PCDHA10: variants seen among roughly 807,000 people sequenced by gnomAD.
PCDHA10 encodes the protein protocadherin alpha-10.
In PCDHA10, 45 loss-of-function variants were observed where a neutral mutation model predicts 61.2. The observed-to-expected ratio is 0.74, with a 90% CI of 0.58 to 0.94. The LOEUF (loss-of-function observed/expected upper bound fraction) is 0.94. Ranked by LOEUF, PCDHA10 falls within the 40% of genes least tolerant of loss-of-function variation. The pLI, the probability that PCDHA10 is intolerant of heterozygous loss-of-function variation, is 0.00. For synonymous variants in PCDHA10, 602 were observed against 548.8 expected (o/e 1.10, Z -1.35); for missense variants, 1,278 against 1,236.2 (o/e 1.03, Z -0.51).
intron 3 of PCDHA10, among the ~76,000 whole-genome samples, chr5:141,007,858 G>A (rs376865557): frequency 6.6e-6 from 1 of 152,116 alleles, no homozygotes; most frequent in African/African-American, 2.4e-5. Context: ...GTCCTTAAAG[G>A]TCTTTTCCTT....
intron 1 of PCDHA10, among the ~76,000 whole-genome samples, chr5:140,896,950 C>A (rs996950218): frequency 6.6e-6 from 1 of 152,106 alleles, no homozygotes; most frequent in Non-Finnish European, 1.5e-5. Context: ...TGGCCATTCC[C>A]TTAAACATTT....
chr5:140,914,262 G>A (rs1583899691), intron 1 of PCDHA10, among the ~76,000 whole-genome samples: 1 of 152,008 alleles, frequency 6.6e-6, no homozygotes, highest in Non-Finnish European at 1.5e-5. Flanking sequence ...CTTCAATGGT[G>A]GGTGCATATA....
intron 3 of PCDHA10, 123 bp downstream of exon 3, chr5:140,982,686 C>T: frequency 2.8e-6 from 4 of 1,418,870 alleles, no homozygotes; most frequent in Non-Finnish European, 3.7e-6. Context: ...TCCCTTTTTT[C>T]CATACATACA....
At chr5:140,870,425 C>A (rs531014522) in intron 1 of PCDHA10, 5 of 1,614,190 alleles carry the variant, frequency 3.1e-6, no homozygotes, top group Admixed American at 3.3e-5. Flanking sequence ...GCCAGGGTAT[C>A]CGTGGAGGTG....
At chr5:140,872,270 T>G (rs1246364406) in intron 1 of PCDHA10, among the ~76,000 whole-genome samples, 1 of 152,172 alleles carries the variant, frequency 6.6e-6, no homozygotes, top group African/African-American at 2.4e-5. Context: ...TCATATTGTT[T>G]GAAGAAAAAA....
At chr5:140,946,797 CAG>C (rs1279078142) in intron 1 of PCDHA10, among the ~76,000 whole-genome samples, 2 of 151,052 alleles carry the variant, frequency 1.3e-5, no homozygotes, top group Non-Finnish European at 3.0e-5. Context: ...CTTATAGAAG[CAG>C]AGAGTATAAC....
At chr5:140,881,988 C>A in intron 1 of PCDHA10, 1 of 434,968 alleles carries the variant, frequency 2.3e-6, no homozygotes, top group Non-Finnish European at 4.0e-6. Flanking sequence ...GTGAAAATGT[C>A]AGGAAATGCA....
At chr5:140,898,972 C>G (rs1180112967) in intron 1 of PCDHA10, among the ~76,000 whole-genome samples, 2 of 151,980 alleles carry the variant, frequency 1.3e-5, no homozygotes, top group African/African-American at 4.8e-5. Flanking sequence ...GGAGTTCACT[C>G]ATGATTTGGC....
intron 1 of PCDHA10, among the ~76,000 whole-genome samples, chr5:140,974,864 C>T (rs949061887): frequency 6.6e-6 from 1 of 152,124 alleles, no homozygotes; most frequent in Non-Finnish European, 1.5e-5. Flanking sequence ...TGCCTTAATG[C>T]GGAACAGTCT....
chr5:140,891,861 T>C (rs1346164388), intron 1 of PCDHA10, among the ~76,000 whole-genome samples: 1 of 152,174 alleles, frequency 6.6e-6, no homozygotes, highest in Non-Finnish European at 1.5e-5. Context: ...GTCCCTCTCT[T>C]ATGCTTTTGG....
At chr5:140,882,131 C>A (rs1236835670) in intron 1 of PCDHA10, 2 of 1,475,734 alleles carry the variant, frequency 1.4e-6, no homozygotes, top group South Asian at 1.4e-5. Context: ...TTTCTTCCTG[C>A]AGAAAATATA....
chr5:140,870,903 A>G lies in PCDHA10; in HGVS notation c.2388+12467A>G, dbSNP rs182770106. On this transcript the variant is annotated intron_variant, in intron 1 of 3. Transcript: ENST00000307360. ...AGGTGCGCGCAGTGGATGCGGACTC[A>G]GGCTACAACGCGTGGCTTTCATATG... The G allele has an allele frequency of 1.9e-6, 3 of 1,613,930 alleles. No individual in the cohort carries two copies. In the East Asian group the frequency reaches 6.7e-5, roughly 36 times the overall value.
At chr5:140,992,761 A>G (rs1400429465) in intron 3 of PCDHA10, among the ~76,000 whole-genome samples, 1 of 152,180 alleles carries the variant, frequency 6.6e-6, no homozygotes, top group African/African-American at 2.4e-5. Flanking sequence ...TGTTGGGGAT[A>G]GGAGGGTGGG....
chr5:140,873,592 T>A (rs936003894), intron 1 of PCDHA10, among the ~76,000 whole-genome samples: 3 of 152,234 alleles, frequency 2.0e-5, no homozygotes, highest in African/African-American at 7.2e-5. Flanking sequence ...TAAGCTAAAC[T>A]TAGATGTTCC....
chr5:140,977,890 A>C (rs1554238866), intron 1 of PCDHA10, among the ~76,000 whole-genome samples: 3 of 152,234 alleles, frequency 2.0e-5, no homozygotes, highest in Non-Finnish European at 4.4e-5. Flanking sequence ...AGGAAAATAC[A>C]AAATACAACT....
chr5:141,010,063 G>C lies in PCDHA10; in HGVS notation c.*126G>C, dbSNP rs1393265789. ...CTCTTAGAGACCTCAGAAATCTGCA[G>C]AAAGTTCCCTGTGTCTGTCTAGAAC... On this transcript the variant is annotated 3_prime_UTR_variant, in exon 4 of 4. Transcript: ENST00000307360. 31 of 1,602,790 alleles carry C rather than the reference G, an allele frequency of 1.9e-5. No individual in the cohort carries two copies. The highest frequency in any genetic ancestry group is 2.6e-5 in the Non-Finnish European group (31 of 1,174,498).
chr5:140,914,944 CTTTTTT>C (rs35695909), intron 1 of PCDHA10, among the ~76,000 whole-genome samples: 1 of 128,266 alleles, frequency 7.8e-6, no homozygotes, highest in Non-Finnish European at 1.7e-5. Flanking sequence ...GAAAAGTTGT[CTTTTTT>C]TTTTTTTTTT....
chr5:140,969,123 C>G, intron 1 of PCDHA10: 1 of 1,614,172 alleles, frequency 6.2e-7, no homozygotes, highest in Non-Finnish European at 8.5e-7. Flanking sequence ...GGGAATGGCT[C>G]CCTCACCAAG....
rs781893809 is a variant in PCDHA10 at position 140,883,492 on chromosome 5, G to T, written c.2388+25056G>T. On this transcript the variant is annotated intron_variant, in intron 1 of 3. Transcript: ENST00000307360. ...CCTACAAGAACTACTACTCATTAGT[G>T]CTGGACAGCGCCCTGGACCGCGAGA... The T allele has an allele frequency of 4.3e-5, 69 of 1,614,058 alleles. 1 individual carries two copies. In the South Asian group the frequency reaches 7.5e-4, roughly 17 times the overall value.
Sources: allele counts gnomAD v4.1 joint callset (sites outside exome capture counted in the v4.1 genomes callset), GRCh38; gene constraint gnomAD v4.1.1; transcripts MANE v1.5; gene names NCBI Gene and HGNC (gene_info 2026-07-23, HGNC 2026-07-21).